Variants in SORCS2 observed in about 807,000 individuals in gnomAD.
SORCS2 encodes the protein sortilin related VPS10 domain containing receptor 2, also known as VPS10 domain-containing receptor SorCS2.
Under a neutral mutation model 141.6 loss-of-function variants are expected in SORCS2, and 100 were observed. The observed-to-expected ratio is 0.71, with a 90% CI of 0.60 to 0.83. The LOEUF is 0.83. Ranked by LOEUF, SORCS2 falls within the 40% of genes least tolerant of loss-of-function variation. The pLI is 0.00. For synonymous variants in SORCS2, 789 were observed against 676.9 expected (o/e 1.17, Z -2.57); for missense variants, 1,646 against 1,560.2 (o/e 1.05, Z -0.93).
At chr4:7,270,585 T>G (rs1382696883) in intron 1 of SORCS2, among the ~76,000 whole-genome samples, 1 of 152,226 alleles carries the variant, frequency 6.6e-6, no homozygotes, top group Non-Finnish European at 1.5e-5. Flanking sequence ...TGGGGACTAA[T>G]TGTTGCTAAG....
chr4:7,244,321 C>A (rs1288773149), intron 1 of SORCS2, among the ~76,000 whole-genome samples: 1 of 152,360 alleles, frequency 6.6e-6, no homozygotes, highest in African/African-American at 2.4e-5. Context: ...TATTTATCCC[C>A]AAAGTCATTC....
chr4:7,379,560 C>T (rs1722859309), intron 1 of SORCS2, among the ~76,000 whole-genome samples: 5 of 152,152 alleles, frequency 3.3e-5, no homozygotes, highest in Admixed American at 3.3e-4. Flanking sequence ...GTTATCAGTT[C>T]CCCCACTAAA....
intron 2 of SORCS2, among the ~76,000 whole-genome samples, chr4:7,436,296 C>T (rs1727294885): frequency 6.6e-6 from 1 of 152,238 alleles, no homozygotes; most frequent in Admixed American, 6.5e-5. Flanking sequence ...CGTGTTGATA[C>T]ATTTCTATGG....
At chr4:7,684,375 A>G (rs901275336) in intron 10 of SORCS2, among the ~76,000 whole-genome samples, 3 of 152,162 alleles carry the variant, frequency 2.0e-5, no homozygotes, top group African/African-American at 4.8e-5. Flanking sequence ...GGAAGAGCCA[A>G]TCCCTTCCCT....
At chr4:7,542,853 A>G (rs1410719357) in intron 3 of SORCS2, among the ~76,000 whole-genome samples, 1 of 152,240 alleles carries the variant, frequency 6.6e-6, no homozygotes, top group Non-Finnish European at 1.5e-5. Context: ...CCCACCTGTG[A>G]GCACAGCACT....
intron 2 of SORCS2, among the ~76,000 whole-genome samples, chr4:7,466,553 C>T (rs62277628): frequency 0.26 from 39,008 of 152,126 alleles, 5,200 homozygotes; most frequent in African/African-American, 0.31. Context: ...CACGTCCATA[C>T]CCCATTCTCC....
intron 8 of SORCS2, among the ~76,000 whole-genome samples, chr4:7,670,331 A>G (rs1722724072): frequency 6.6e-6 from 1 of 152,102 alleles, no homozygotes; most frequent in Admixed American, 6.5e-5. Flanking sequence ...TTAAATATTC[A>G]TTTTCCCTAA....
Position 7,538,519 on chromosome 4 carries a change from T to C in SORCS2, c.648+6890T>C, listed in dbSNP as rs577765399. ...GGAATTTCTTCCAAGCATTGTGTTT[T>C]ATATGAAAAATTTATGTGAATGGGC... On this transcript the variant is annotated intron_variant, in intron 3 of 26. Coordinates refer to ENST00000507866, the MANE Select transcript of SORCS2 (RefSeq NM_020777.3). 1.0e-3 allele frequency among the ~76,000 whole-genome samples: 157 copies of C among 152,326 alleles called. 1 individual carries two copies. The highest frequency in any genetic ancestry group is 3.6e-3 in the African/African-American group (148 of 41,554).
chr4:7,291,619 G>T (rs1360364898), intron 1 of SORCS2, among the ~76,000 whole-genome samples: 1 of 152,182 alleles, frequency 6.6e-6, no homozygotes, highest in African/African-American at 2.4e-5. Context: ...CAACTGCACG[G>T]CTGGGTCAGG....
rs1488387643 is a variant in SORCS2 at position 7,664,484 on chromosome 4, C to G, written c.1071+13C>G. On this transcript the variant is annotated intron_variant, in intron 7 of 26. Transcript: ENST00000507866. This position sits in a 1 kb window ranked among gnomAD's most constrained non-coding sequence, Gnocchi z 4.7. ...CATCTTCTTTAAGGTAAGGTTGCTT[C>G]TGGGGCTTTTGGAAATTGGCAACAG... is the stretch of plus-strand genomic sequence containing the variant. 1.3e-6 allele frequency: 2 copies of G among 1,571,018 alleles called. No homozygotes were observed. Among genetic ancestry groups the G allele is most frequent in the African/African-American group, 1.4e-5 (1 of 73,796 alleles).
chr4:7,580,263 C>T (rs536233477), intron 3 of SORCS2, among the ~76,000 whole-genome samples: 2 of 152,216 alleles, frequency 1.3e-5, no homozygotes, highest in African/African-American at 4.8e-5. Context: ...GGACAGTTAA[C>T]TTGAGGCCAG....
At chr4:7,408,186 G>GT (rs34830580) in intron 2 of SORCS2, among the ~76,000 whole-genome samples, 5,332 of 152,040 alleles carry the variant, frequency 0.035, 151 homozygotes, top group Admixed American at 0.047. Flanking sequence ...CCTTCAGGGT[G>GT]TTTTTTATTT....
At chr4:7,332,768 C>T (rs1405574202) in intron 1 of SORCS2, among the ~76,000 whole-genome samples, 1 of 152,226 alleles carries the variant, frequency 6.6e-6, no homozygotes, top group South Asian at 2.1e-4. Flanking sequence ...CTGTGGATGA[C>T]ATGACCTCAG....
intron 4 of SORCS2, among the ~76,000 whole-genome samples, chr4:7,647,828 C>T (rs191893270): frequency 2.0e-4 from 31 of 152,356 alleles, no homozygotes; most frequent in Non-Finnish European, 3.8e-4. Context: ...TGCTCATCCT[C>T]AGGGAACCTG....
chr4:7,322,086 A>T (rs1577396572), intron 1 of SORCS2, among the ~76,000 whole-genome samples: 2 of 152,256 alleles, frequency 1.3e-5, no homozygotes, highest in Admixed American at 1.3e-4. Flanking sequence ...CTCTGCCATC[A>T]GACAGGTGGG....
chr4:7,358,026 C>T (rs1354236008), intron 1 of SORCS2, among the ~76,000 whole-genome samples: 1 of 152,154 alleles, frequency 6.6e-6, no homozygotes, highest in Non-Finnish European at 1.5e-5. Context: ...CCCCCCATTC[C>T]CAAGGAGAGG....
Position 7,543,262 on chromosome 4 carries a change from G to A in SORCS2, c.648+11633G>A, listed in dbSNP as rs890691045. Among the ~76,000 whole-genome samples, 3 of 152,148 alleles carry A rather than the reference G, an allele frequency of 2.0e-5. No homozygotes were observed. In the South Asian group the frequency reaches 6.2e-4, roughly 32 times the overall value. On this transcript the variant is annotated intron_variant, in intron 3 of 26. Coordinates refer to ENST00000507866, the MANE Select transcript of SORCS2 (RefSeq NM_020777.3). ...TGACAGAGAGTGAGAGGCAGGGAGG[G>A]TCACCCATCCATGCATCCCTCCGTT...
chr4:7,494,198 A>G (rs1731478175), intron 2 of SORCS2, among the ~76,000 whole-genome samples: 1 of 152,172 alleles, frequency 6.6e-6, no homozygotes, highest in African/African-American at 2.4e-5. Context: ...TCTTGGCGTC[A>G]CTTCCCATAC....
chr4:7,666,090 A>G (rs1722485902), intron 7 of SORCS2, among the ~76,000 whole-genome samples: 2 of 152,056 alleles, frequency 1.3e-5, no homozygotes, highest in South Asian at 2.1e-4. Flanking sequence ...GGGCATCTCA[A>G]TCAATCTTCT....
Sources: gnomAD v4.1 joint callset for allele counts (sites outside exome capture counted in the v4.1 genomes callset) on GRCh38, gnomAD v4.1.1 for gene constraint, Gnocchi (gnomAD v3.1) non-coding constraint, MANE v1.5 for transcripts, NCBI Gene and HGNC (gene_info 2026-07-23, HGNC 2026-07-21) for gene names.